The following DISC1 variants were observed in gnomAD, a reference collection of about 807,000 sequenced individuals.
DISC1 encodes DISC1 scaffold protein.
A neutral mutation model predicts 84.5 loss-of-function variants in DISC1; 57 were observed. The ratio of observed to expected loss-of-function variants is 0.67; its 90% CI spans 0.55 to 0.84. The LOEUF is 0.84. Among genes scored for constraint, DISC1 ranks in the 40% least tolerant of loss-of-function variants. The pLI is 0.00. For synonymous variants in DISC1, 411 were observed against 415.2 expected, an observed-to-expected ratio of 0.99 and a Z score of 0.12; for missense variants, 1,000 against 1,057.8, an observed-to-expected ratio of 0.95 and a Z score of 0.76.
At chr1:231,860,936 T>A (rs2084597983) in intron 9 of DISC1, among the ~76,000 whole-genome samples, 2 of 152,260 alleles carry the variant, frequency 1.3e-5, no homozygotes, top group South Asian at 4.1e-4. Flanking sequence ...AATTGCAGAC[T>A]GCATTTTTGG....
chr1:232,020,869 C>G (rs1198100405), intron 11 of DISC1, among the ~76,000 whole-genome samples: 4 of 152,132 alleles, frequency 2.6e-5, no homozygotes, highest in African/African-American at 9.7e-5. Flanking sequence ...AACCCTTTTC[C>G]TCCTACCAGG....
intron 4 of DISC1, among the ~76,000 whole-genome samples, chr1:231,751,412 AATTT>A (rs2074591145): frequency 6.6e-6 from 1 of 152,250 alleles, no homozygotes; most frequent in African/African-American, 2.4e-5. Flanking sequence ...TTACTCATTT[AATTT>A]ATTTCCATTT....
At chr1:231,866,365 G>T (rs1379455591) in intron 9 of DISC1, among the ~76,000 whole-genome samples, 1 of 152,050 alleles carries the variant, frequency 6.6e-6, no homozygotes, top group Non-Finnish European at 1.5e-5. Flanking sequence ...GAAAAACTTG[G>T]ATTTAATTAT....
intron 6 of DISC1, among the ~76,000 whole-genome samples, chr1:231,787,141 G>A (rs1476916572): frequency 6.6e-6 from 1 of 152,184 alleles, no homozygotes; most frequent in Non-Finnish European, 1.5e-5. Context: ...GACAGGATCT[G>A]GAGAAACCAA....
At chr1:231,759,152 T>C (rs1309593570) in intron 4 of DISC1, among the ~76,000 whole-genome samples, 1 of 152,168 alleles carries the variant, frequency 6.6e-6, no homozygotes, top group Admixed American at 6.6e-5. Context: ...ATGATGCTTT[T>C]GGGCAGAGTC....
intron 1 of DISC1, among the ~76,000 whole-genome samples, chr1:231,678,122 A>G (rs577819962): frequency 3.0e-4 from 46 of 152,316 alleles, no homozygotes; most frequent in African/African-American, 1.1e-3. Context: ...CTATGCTCCA[A>G]AGTGACTGCA....
intron 9 of DISC1, among the ~76,000 whole-genome samples, chr1:231,830,823 G>A (rs2082168813): frequency 6.6e-6 from 1 of 152,228 alleles, no homozygotes; most frequent in South Asian, 2.1e-4. Flanking sequence ...TCCTTTTTAA[G>A]TTGGTGGCTG....
At chr1:231,682,932 G>A (rs1272936034) in intron 1 of DISC1, among the ~76,000 whole-genome samples, 2 of 152,242 alleles carry the variant, frequency 1.3e-5, no homozygotes, top group African/African-American at 4.8e-5. Flanking sequence ...TGGGCTGGAT[G>A]TCAAACTGCT....
chr1:232,030,682 C>T (rs142503855), intron 12 of DISC1, among the ~76,000 whole-genome samples: 200 of 152,280 alleles, frequency 1.3e-3, no homozygotes, highest in African/African-American at 4.5e-3. Context: ...CAAATTTTAG[C>T]GTGAACAGAC....
intron 9 of DISC1, among the ~76,000 whole-genome samples, chr1:231,923,555 T>C (rs1461415501): frequency 2.0e-5 from 3 of 152,240 alleles, no homozygotes; most frequent in African/African-American, 7.2e-5. Flanking sequence ...TAGTCACTGA[T>C]TGCCGTAGGC....
chr1:231,716,213 G>A (rs1238742508), intron 3 of DISC1, among the ~76,000 whole-genome samples: 2 of 149,898 alleles, frequency 1.3e-5, no homozygotes, highest in African/African-American at 2.5e-5. Flanking sequence ...CCTGCCAGCA[G>A]TTAGTGCCAA....
chr1:231,997,625 C>T (rs1347640923), intron 10 of DISC1, among the ~76,000 whole-genome samples: 22 of 152,072 alleles, frequency 1.4e-4, no homozygotes, highest in Non-Finnish European at 7.4e-5. Flanking sequence ...CAGAGGAGCA[C>T]TGCCTGGGAG....
At chr1:231,881,756 A>G (rs7535336) in intron 9 of DISC1, among the ~76,000 whole-genome samples, 830 of 76,690 alleles carry the variant, frequency 0.011, 10 homozygotes, top group African/African-American at 0.034. Context: ...CCGATCAGTC[A>G]AAGTTTCCAG....
chr1:231,894,357 G>A (rs2087507155), intron 9 of DISC1, among the ~76,000 whole-genome samples: 1 of 152,054 alleles, frequency 6.6e-6, no homozygotes, highest in South Asian at 2.1e-4. Context: ...TTTATTTTTA[G>A]TGTTGTTCTT....
intron 1 of DISC1, among the ~76,000 whole-genome samples, chr1:231,688,949 T>A (rs1483957304): frequency 6.6e-6 from 1 of 152,244 alleles, no homozygotes; most frequent in Admixed American, 6.5e-5. Context: ...CTCTGAATTA[T>A]TGAAGGAAGA....
chr1:232,026,635 G>A, intron 12 of DISC1, 83 bp downstream of exon 12: 1 of 942,236 alleles, frequency 1.1e-6, no homozygotes, highest in Non-Finnish European at 1.7e-6. Context: ...TCATGCCTCA[G>A]AAGATGGCAA....
At chr1:231,724,031 T>C in intron 3 of DISC1, 1 of 985,252 alleles carries the variant, frequency 1.0e-6, no homozygotes, top group Non-Finnish European at 1.2e-6. Context: ...ATTGTATTTG[T>C]TCTATTCTAG....
At chr1:231,850,912 T>C (rs2083846930) in intron 9 of DISC1, among the ~76,000 whole-genome samples, 1 of 152,210 alleles carries the variant, frequency 6.6e-6, no homozygotes, top group Non-Finnish European at 1.5e-5. Context: ...ATTGTTTTAA[T>C]TTTGGATTTC....
chr1:231,844,934 AAAAAAAAAG>A (rs1225077407), intron 9 of DISC1, among the ~76,000 whole-genome samples: 262 of 151,908 alleles, frequency 1.7e-3, no homozygotes, highest in African/African-American at 6.1e-3. Flanking sequence ...CTCAAAAAAA[AAAAAAAAAG>A]AAAAAAAAGA....
Sources: allele counts gnomAD v4.1 joint callset (sites outside exome capture counted in the v4.1 genomes callset), GRCh38; gene constraint gnomAD v4.1.1; transcripts MANE v1.5; gene names NCBI Gene and HGNC (gene_info 2026-07-23, HGNC 2026-07-21).